Variants in RARG observed in about 807,000 individuals in gnomAD.
RARG encodes the protein RAR-gamma.
Under a neutral mutation model 43.7 loss-of-function variants are expected in RARG, and 17 were observed. That is an observed-to-expected ratio of 0.39 (90% CI 0.27 to 0.58). The LOEUF is 0.58. Among genes scored for constraint, RARG ranks in the 20% least tolerant of loss-of-function variants. The pLI is 0.57. For synonymous variants in RARG, 238 were observed against 236.4 expected, an observed-to-expected ratio of 1.01 and a Z score of -0.06; for missense variants, 346 against 598.7, an observed-to-expected ratio of 0.58 and a Z score of 4.40.
chr12:53,223,377 G>A (rs1174699227), intron 3 of RARG, among the ~76,000 whole-genome samples: 1 of 151,760 alleles, frequency 6.6e-6, no homozygotes, highest in Non-Finnish European at 1.5e-5. Context: ...CAGAAGAGCA[G>A]AAGAATAGCG....
Position 53,213,402 on chromosome 12 carries a change from C to G in RARG, c.1018+94G>C. 6.6e-7 allele frequency: 1 copy of G among 1,510,724 alleles called. No homozygotes were observed. The highest frequency in any genetic ancestry group is 9.1e-7 in the Non-Finnish European group (1 of 1,099,544). The allele number at this position is 1,510,724 out of a possible 1,614,324, so 93.6% of individuals were successfully genotyped here. On this transcript the variant is annotated intron_variant, in intron 8 of 9. Coordinates refer to ENST00000425354, the MANE Select transcript of RARG (RefSeq NM_000966.6). This position sits in a 1 kb window ranked among gnomAD's most constrained non-coding sequence, Gnocchi z 4.7. ...CAAGAATTACCAGCAGAAGAGACCACTGGGTCCTCCACGCCCCCTCCCAGA... is the reference window on the plus strand; with the variant it reads ...CAAGAATTACCAGCAGAAGAGACCAGTGGGTCCTCCACGCCCCCTCCCAGA...
chr12:53,219,508 T>TCCCACA (rs1225897735), intron 3 of RARG, among the ~76,000 whole-genome samples: 1 of 152,154 alleles, frequency 6.6e-6, no homozygotes, highest in Non-Finnish European at 1.5e-5. Flanking sequence ...AGACCCTTGC[T>TCCCACA]CCCACACCCA....
chr12:53,215,187 G>T lies in RARG; in HGVS notation c.475+106C>A. 6.9e-7 allele frequency: 1 copy of T among 1,441,330 alleles called. No individual in the cohort carries two copies. The highest frequency in any genetic ancestry group is 9.4e-7 in the Non-Finnish European group (1 of 1,059,092). The allele number at this position is 1,441,330 out of a possible 1,614,324, so 89.3% of individuals were successfully genotyped here. On this transcript the variant is annotated intron_variant, in intron 5 of 9. Transcript: ENST00000425354. This position sits in a 1 kb window ranked among gnomAD's most constrained non-coding sequence, Gnocchi z 6.4. Reference sequence around the variant, plus strand: ...TGGGAGAAGGCAGCACCCCAGGGCAGGCCAAGTCTCAGAGGTCAGGGAAGT... The same window carrying T: ...TGGGAGAAGGCAGCACCCCAGGGCATGCCAAGTCTCAGAGGTCAGGGAAGT...
chr12:53,230,940 C>G (rs1272009026), intron 2 of RARG, among the ~76,000 whole-genome samples: 1 of 151,882 alleles, frequency 6.6e-6, no homozygotes, highest in East Asian at 1.9e-4. Flanking sequence ...TACCCCCACT[C>G]CCCTGTCTTC....
At position 53,213,062 on chromosome 12, in the gene RARG, G is replaced by A. The variant is rs1352096180; in HGVS notation, c.1177+23C>T. 1.3e-6 allele frequency: 2 copies of A among 1,596,776 alleles called. No homozygotes were observed. The highest frequency in any genetic ancestry group is 1.7e-4 in the Middle Eastern group (1 of 6,008). ...ACCAACAGCCCTGGGAAGACAGAGA[G>A]GGGACACCCACTCATGACTCACCCT... On this transcript the variant is annotated intron_variant, in intron 9 of 9. Coordinates refer to ENST00000425354, the MANE Select transcript of RARG (RefSeq NM_000966.6). The surrounding 1 kb of genome is among the most constrained non-coding windows in gnomAD (Gnocchi z 4.7).
chr12:53,224,957 A>G (rs1373935243), intron 3 of RARG, among the ~76,000 whole-genome samples: 1 of 152,026 alleles, frequency 6.6e-6, no homozygotes, highest in Non-Finnish European at 1.5e-5. Flanking sequence ...GTCACTGGGG[A>G]CTGGGTACTA....
In RARG at chr12:53,213,406, G is replaced by T. The variant is rs766597068; in HGVS notation, c.1018+90C>A. On this transcript the variant is annotated intron_variant, in intron 8 of 9. Coordinates refer to ENST00000425354, the MANE Select transcript of RARG (RefSeq NM_000966.6). The surrounding 1 kb of genome is among the most constrained non-coding windows in gnomAD (Gnocchi z 4.7). ...AATTACCAGCAGAAGAGACCACTGG[G>T]TCCTCCACGCCCCCTCCCAGACAGA... The T allele has an allele frequency of 6.6e-7, 1 of 1,513,832 alleles. No homozygotes were observed. Among genetic ancestry groups the T allele is most frequent in the Non-Finnish European group, 9.1e-7 (1 of 1,101,802 alleles). 93.8% of individuals were successfully genotyped at this position (1,513,832 alleles called of 1,614,324 possible).
At chr12:53,226,476 C>T (rs941489183) in intron 3 of RARG, among the ~76,000 whole-genome samples, 1 of 152,116 alleles carries the variant, frequency 6.6e-6, no homozygotes, top group Admixed American at 6.5e-5. Flanking sequence ...TACAGGCACA[C>T]GCCACCATAC....
chr12:53,214,417 G>T, intron 6 of RARG, 29 bp downstream of exon 6: 1 of 1,601,162 alleles, frequency 6.2e-7, no homozygotes, highest in South Asian at 1.1e-5. Flanking sequence ...AGAGTGCCCT[G>T]CCCTCACTGG....
rs769206913 is a variant in RARG at position 53,213,170 on chromosome 12, G to A, written c.1092C>T (p.Tyr364=). The A allele has an allele frequency of 1.7e-5, 27 of 1,612,474 alleles. No homozygotes were observed. Among genetic ancestry groups the A allele is most frequent in the South Asian group, 1.1e-4 (10 of 91,038 alleles). Residue 364 remains tyrosine, a synonymous_variant, in exon 9 of 10, where the codon TAC becomes TAT. Coordinates refer to ENST00000425354, the MANE Select transcript of RARG (RefSeq NM_000966.6). The surrounding 1 kb of genome is among the most constrained non-coding windows in gnomAD (Gnocchi z 4.7). ...GCTGGCTGGGCCGCCGGCGCCGGGC[G>A]TACAGCCTCAGGGCTTCCAGCAGTG... is the stretch of plus-strand genomic sequence containing the variant. ...QEPLLEALRL[Y]ARRRRPSQPY...
At chr12:53,219,758 CCA>C in intron 3 of RARG, among the ~76,000 whole-genome samples, 1 of 152,276 alleles carries the variant, frequency 6.6e-6, no homozygotes, top group Non-Finnish European at 1.5e-5. Context: ...ACCATAAAAA[CCA>C]CACACACTCC....
At chr12:53,212,731 TATATATACACACACAC>T (rs1406146455) in intron 9 of RARG, among the ~76,000 whole-genome samples, 3 of 125,512 alleles carry the variant, frequency 2.4e-5, no homozygotes, top group African/African-American at 3.9e-5. Context: ...TCTCTAAATA[TATATATACACACACAC>T]ACACACACAC....
chr12:53,227,576 C>A lies in RARG; in HGVS notation c.-31G>T. 1 of 1,489,136 alleles carries A rather than the reference C, an allele frequency of 6.7e-7. No individual in the cohort carries two copies. Among genetic ancestry groups the A allele is most frequent in the African/African-American group, 1.4e-5 (1 of 70,536 alleles). The allele number at this position is 1,489,136 out of a possible 1,614,324, so 92.2% of individuals were successfully genotyped here. On this transcript the variant is annotated 5_prime_UTR_variant, in exon 3 of 10. Coordinates refer to ENST00000425354, the MANE Select transcript of RARG (RefSeq NM_000966.6). This position sits in a 1 kb window ranked among gnomAD's most constrained non-coding sequence, Gnocchi z 4.3. ...CTGCGGTGTGAGAGTCCCCTGGGGTCTGCAGTGGGCGGGCGAGGTCTTCAG... is the reference window on the plus strand; with the variant it reads ...CTGCGGTGTGAGAGTCCCCTGGGGTATGCAGTGGGCGGGCGAGGTCTTCAG...
intron 2 of RARG, among the ~76,000 whole-genome samples, chr12:53,230,432 G>C (rs758099314): frequency 1.4e-4 from 22 of 151,974 alleles, no homozygotes; most frequent in Non-Finnish European, 2.1e-4. Context: ...CCTCCCCTCT[G>C]TATAAACACG....
chr12:53,215,593 A>T lies in RARG; in HGVS notation c.333+53T>A. 6.3e-7 allele frequency: 1 copy of T among 1,591,492 alleles called. No individual in the cohort carries two copies. Among genetic ancestry groups the T allele is most frequent in the Non-Finnish European group, 8.6e-7 (1 of 1,166,180 alleles). On this transcript the variant is annotated intron_variant, in intron 4 of 9. Transcript: ENST00000425354. The surrounding 1 kb of genome is among the most constrained non-coding windows in gnomAD (Gnocchi z 6.4). ...ACAGCATCTGTGTGCCTGGTCTCTCATCTTACTAGGGTAACTGGATCCCCC... is the reference window on the plus strand; with the variant it reads ...ACAGCATCTGTGTGCCTGGTCTCTCTTCTTACTAGGGTAACTGGATCCCCC...
Position 53,211,489 on chromosome 12 carries a change from A to G in RARG, c.*187T>C. 2.0e-6 allele frequency: 1 copy of G among 499,970 alleles called. No homozygotes were observed. Among genetic ancestry groups the G allele is most frequent in the Non-Finnish European group, 3.3e-6 (1 of 300,642 alleles). 31.0% of individuals were successfully genotyped at this position (499,970 alleles called of 1,614,324 possible). A position where few individuals can be genotyped will look rare whatever the true frequency, so the allele number is the denominator to read the frequency against. On this transcript the variant is annotated 3_prime_UTR_variant, in exon 10 of 10. Coordinates refer to ENST00000425354, the MANE Select transcript of RARG (RefSeq NM_000966.6). The surrounding 1 kb of genome is among the most constrained non-coding windows in gnomAD (Gnocchi z 4.6). ...GGCAGGCCCCCGGGACTGGCGAGGGAGCCGGTTAGATCAGGAAGGGGATGA... is the reference window on the plus strand; with the variant it reads ...GGCAGGCCCCCGGGACTGGCGAGGGGGCCGGTTAGATCAGGAAGGGGATGA...
intron 2 of RARG, among the ~76,000 whole-genome samples, chr12:53,230,611 C>T (rs1208298634): frequency 6.6e-6 from 1 of 152,052 alleles, no homozygotes; most frequent in African/African-American, 2.4e-5. Flanking sequence ...CCTCTCATCC[C>T]CAGGTGCCCT....
At position 53,211,471 on chromosome 12, in the gene RARG, C is replaced by T. The variant is rs1434397710; in HGVS notation, c.*205G>A. 2.2e-6 allele frequency: 1 copy of T among 460,276 alleles called. No homozygotes were observed. Among genetic ancestry groups the T allele is most frequent in the African/African-American group, 2.0e-5 (1 of 49,168 alleles). 28.5% of individuals were successfully genotyped at this position (460,276 alleles called of 1,614,324 possible). A position where few individuals can be genotyped will look rare whatever the true frequency, so the allele number is the denominator to read the frequency against. ...CTCTCCTGGTGGGAGCAGGGCAGGCCCCCGGGACTGGCGAGGGAGCCGGTT... is the reference window on the plus strand; with the variant it reads ...CTCTCCTGGTGGGAGCAGGGCAGGCTCCCGGGACTGGCGAGGGAGCCGGTT... On this transcript the variant is annotated 3_prime_UTR_variant, in exon 10 of 10. Coordinates refer to ENST00000425354, the MANE Select transcript of RARG (RefSeq NM_000966.6). The surrounding 1 kb of genome is among the most constrained non-coding windows in gnomAD (Gnocchi z 4.6).
chr12:53,226,253 G>T (rs1361582449), intron 3 of RARG, among the ~76,000 whole-genome samples: 1 of 151,294 alleles, frequency 6.6e-6, no homozygotes, highest in African/African-American at 2.4e-5. Context: ...TCAGCCTCCT[G>T]AGTAGCTGGG....
Sources: allele counts gnomAD v4.1 joint callset (sites outside exome capture counted in the v4.1 genomes callset), GRCh38; gene constraint gnomAD v4.1.1; non-coding constraint Gnocchi (gnomAD v3.1); transcripts MANE v1.5; gene names NCBI Gene and HGNC (gene_info 2026-07-23, HGNC 2026-07-21).